ROBO2: variants seen among roughly 807,000 people sequenced by gnomAD.
ROBO2 encodes roundabout guidance receptor 2, also known as roundabout homolog 2.
Under a neutral mutation model 160.8 loss-of-function variants are expected in ROBO2, and 53 were observed. The ratio of observed to expected loss-of-function variants is 0.33; its 90% CI spans 0.26 to 0.41. The LOEUF (loss-of-function observed/expected upper bound fraction) is 0.41. ROBO2 is among the 10% of genes least tolerant of loss of function. The pLI is 1.00. For synonymous variants in ROBO2, 664 were observed against 611.7 expected, an observed-to-expected ratio of 1.09 and a Z score of -1.26; for missense variants, 1,577 against 1,722.4, an observed-to-expected ratio of 0.92 and a Z score of 1.49.
intron 5 of ROBO2, among the ~76,000 whole-genome samples, chr3:77,516,803 A>G (rs983139074): frequency 6.6e-6 from 1 of 151,672 alleles, no homozygotes; most frequent in Non-Finnish European, 1.5e-5. Flanking sequence ...ATGCTTCTTG[A>G]TACAATATCT....
Position 77,198,065 on chromosome 3 carries a change from A to G in ROBO2, c.388+99725A>G, listed in dbSNP as rs1241103401. 2.0e-5 allele frequency among the ~76,000 whole-genome samples: 3 copies of G among 152,246 alleles called. No individual in the cohort carries two copies. The South Asian group carries it at 6.2e-4, about 31-fold the overall frequency. On this transcript the variant is annotated intron_variant, in intron 2 of 25. Transcript: ENST00000461745. ...TGGCACCCAGTACAGTGCCTGACAC[A>G]TAGTAGGTGCTTCATAAATATTTGA... is the stretch of plus-strand genomic sequence containing the variant.
intron 2 of ROBO2, among the ~76,000 whole-genome samples, chr3:76,748,886 AT>A (rs1375900303): frequency 6.6e-6 from 1 of 151,946 alleles, no homozygotes; most frequent in Non-Finnish European, 1.5e-5. Flanking sequence ...GTATTAGAAT[AT>A]TCGTTACATC....
intron 2 of ROBO2, among the ~76,000 whole-genome samples, chr3:75,980,083 G>A (rs1179902073): frequency 6.6e-6 from 1 of 151,574 alleles, no homozygotes; most frequent in East Asian, 1.9e-4. Context: ...TTAGCTGGAT[G>A]AGTAGCAATA....
intron 2 of ROBO2, among the ~76,000 whole-genome samples, chr3:77,328,864 T>A (rs2065706866): frequency 6.6e-6 from 1 of 152,224 alleles, no homozygotes; most frequent in South Asian, 2.1e-4. Flanking sequence ...ATCTGATACA[T>A]CCTGTGAAAA....
At position 76,145,368 on chromosome 3, in the gene ROBO2, A is replaced by G. The variant is rs1316219066; in HGVS notation, c.109+207766A>G. Among the ~76,000 whole-genome samples the G allele has an allele frequency of 5.3e-5, 8 of 152,204 alleles. No individual in the cohort carries two copies. The South Asian group carries it at 1.2e-3, about 24-fold the overall frequency. ...CCATGCTGTGAACTGAAATGTTGTC[A>G]TCAGGTACAAATATGGTAAATTGAA... On this transcript the variant is annotated intron_variant, in intron 2 of 26. Coordinates refer to the ROBO2 transcript ENST00000487694.
Position 77,343,084 on chromosome 3 carries a change from G to GAGAGAGAGAGAGAGAA in ROBO2, c.389-134327_389-134326insGAGAGAGAGAGAAAGA, listed in dbSNP as rs35897096. ...AGAGAGAGAGAGAGAGAGAGAGAGA[G>GAGAGAGAGAGAGAGAA]AGAACTTTCTTATAAGACCACAATC... On this transcript the variant is annotated intron_variant, in intron 2 of 25. Coordinates refer to ENST00000461745, the Ensembl canonical transcript of ROBO2. 1.6e-3 allele frequency among the ~76,000 whole-genome samples: 230 copies of GAGAGAGAGAGAGAGAA among 146,278 alleles called. 4 individuals are homozygous for GAGAGAGAGAGAGAGAA. The highest frequency in any genetic ancestry group is 1.8e-3 in the Admixed American group (27 of 14,956).
intron 1 of ROBO2, among the ~76,000 whole-genome samples, 178 bp downstream of exon 1, chr3:77,041,024 C>T (rs1269525545): frequency 6.6e-6 from 1 of 152,178 alleles, no homozygotes; most frequent in African/African-American, 2.4e-5. Flanking sequence ...TGTTTCTAAA[C>T]TGCTGTAAGT....
At chr3:77,019,251 A>C (rs1326557554) in intron 2 of ROBO2, among the ~76,000 whole-genome samples, 2 of 152,126 alleles carry the variant, frequency 1.3e-5, no homozygotes, top group East Asian at 3.9e-4. Flanking sequence ...ATGCTTGTTG[A>C]GTGCCATTTT....
chr3:77,541,226 G>A (rs1365454476), intron 6 of ROBO2, among the ~76,000 whole-genome samples: 1 of 152,164 alleles, frequency 6.6e-6, no homozygotes, highest in Non-Finnish European at 1.5e-5. Flanking sequence ...GCCTGCCATA[G>A]GAAGTCATAT....
At chr3:77,326,307 T>G (rs564907366) in intron 2 of ROBO2, among the ~76,000 whole-genome samples, 13 of 152,316 alleles carry the variant, frequency 8.5e-5, no homozygotes, top group African/African-American at 3.1e-4. Context: ...TAGTAAAGAC[T>G]ATTAGAAGCT....
At chr3:76,246,054 T>C (rs1199907535) in intron 2 of ROBO2, among the ~76,000 whole-genome samples, 1 of 152,186 alleles carries the variant, frequency 6.6e-6, no homozygotes, top group East Asian at 1.9e-4. Flanking sequence ...TCATTATATG[T>C]TAGCAACATG....
intron 2 of ROBO2, among the ~76,000 whole-genome samples, chr3:76,671,845 T>C (rs1208444163): frequency 6.6e-6 from 1 of 152,050 alleles, no homozygotes; most frequent in Non-Finnish European, 1.5e-5. Flanking sequence ...AATAGTATAG[T>C]AAATGCTATA....
chr3:77,481,759 C>A (rs2084722020), intron 4 of ROBO2, among the ~76,000 whole-genome samples: 1 of 152,092 alleles, frequency 6.6e-6, no homozygotes, highest in Non-Finnish European at 1.5e-5. Context: ...CATGTTCCTT[C>A]AACTTTAAGA....
chr3:76,647,715 A>C (rs1223628377), intron 2 of ROBO2, among the ~76,000 whole-genome samples: 1 of 152,068 alleles, frequency 6.6e-6, no homozygotes, highest in Non-Finnish European at 1.5e-5. Flanking sequence ...GTGGGAGGTG[A>C]AAAGAATCGC....
chr3:76,238,628 T>A (rs1421451540), intron 2 of ROBO2, among the ~76,000 whole-genome samples: 1 of 143,858 alleles, frequency 7.0e-6, no homozygotes, highest in African/African-American at 2.6e-5. Context: ...TCCCCCCAGG[T>A]TTCCCCCTAG....
At chr3:77,476,418 T>C (rs572959538) in intron 2 of ROBO2, among the ~76,000 whole-genome samples, 48 of 151,574 alleles carry the variant, frequency 3.2e-4, no homozygotes, top group African/African-American at 1.1e-3. Context: ...AGGTTCATTT[T>C]ACCTCAAGGT....
rs142523824 is a variant in ROBO2 at position 77,129,168 on chromosome 3, T to G, written c.388+30828T>G. 2.7e-4 allele frequency among the ~76,000 whole-genome samples: 41 copies of G among 152,064 alleles called. 2 individuals are homozygous for G. The East Asian group carries it at 7.9e-3, about 29-fold the overall frequency. ...AGTAATAATTATTAATTATTACTAA[T>G]TATGTGTCTTTATTTTTCAACTTTA... On this transcript the variant is annotated intron_variant, in intron 2 of 25. Transcript: ENST00000461745.
chr3:76,652,847 A>G (rs932342733), intron 2 of ROBO2, among the ~76,000 whole-genome samples: 3 of 152,082 alleles, frequency 2.0e-5, no homozygotes, highest in Non-Finnish European at 4.4e-5. Flanking sequence ...AAAACAATGA[A>G]GGGTTATGGC....
intron 2 of ROBO2, among the ~76,000 whole-genome samples, chr3:76,590,377 C>T (rs185273118): frequency 2.6e-5 from 4 of 152,110 alleles, no homozygotes; most frequent in Admixed American, 6.5e-5. Context: ...ACTATTTATA[C>T]GTATAATTAT....
Sources: allele counts gnomAD v4.1 joint callset (sites outside exome capture counted in the v4.1 genomes callset), GRCh38; gene constraint gnomAD v4.1.1; transcripts MANE v1.5; gene names NCBI Gene and HGNC (gene_info 2026-07-23, HGNC 2026-07-21).